The following ARHGAP35 variants were observed in gnomAD, a reference collection of about 807,000 sequenced individuals.
The protein encoded by ARHGAP35 is Rho GTPase activating protein 35, also known as rho GTPase-activating protein 35.
A neutral mutation model predicts 111.1 loss-of-function variants in ARHGAP35; 15 were observed. The ratio of observed to expected loss-of-function variants is 0.13; its 90% CI spans 0.09 to 0.21. The LOEUF is 0.21. Ranked by LOEUF, ARHGAP35 falls within the 10% of genes least tolerant of loss-of-function variation. The pLI is 1.00. For missense variants in ARHGAP35, 1,262 were observed against 1,873.0 expected (o/e 0.67, Z 6.02); for synonymous variants, 643 against 710.3 (o/e 0.91, Z 1.51).
chr19:46,970,131 G>A (rs2056537259), intron 3 of ARHGAP35, among the ~76,000 whole-genome samples: 1 of 152,168 alleles, frequency 6.6e-6, no homozygotes, highest in African/African-American at 2.4e-5. Flanking sequence ...AAAGTCATGG[G>A]GTGCAGGGTG....
rs2056737747 is a variant in ARHGAP35 at position 47,000,093 on chromosome 19, T to C, written c.4143-238T>C. Among the ~76,000 whole-genome samples, 2 of 152,140 alleles carry C rather than the reference T, an allele frequency of 1.3e-5. No homozygotes were observed. Among genetic ancestry groups the C allele is most frequent in the Admixed American group, 1.3e-4 (2 of 15,272 alleles). On this transcript the variant is annotated intron_variant, in intron 6 of 6. Coordinates refer to ENST00000672722, the MANE Select transcript of ARHGAP35 (RefSeq NM_004491.5). This position sits in a 1 kb window ranked among gnomAD's most constrained non-coding sequence, Gnocchi z 6.9. ...GGTGGTCCATCCACCCCCAGGGGTT[T>C]GCGGGGCTCCAGGCAGCCTTTCCGA...
intron 3 of ARHGAP35, among the ~76,000 whole-genome samples, chr19:46,965,139 C>A (rs1466736482): frequency 6.6e-6 from 1 of 152,074 alleles, no homozygotes; most frequent in Non-Finnish European, 1.5e-5. Context: ...ATGGTGAAAC[C>A]CCGTCTCTAC....
intron 3 of ARHGAP35, among the ~76,000 whole-genome samples, chr19:46,970,000 T>C (rs1309547163): frequency 6.6e-6 from 1 of 152,152 alleles, no homozygotes; most frequent in Non-Finnish European, 1.5e-5. Flanking sequence ...CTGTGAGGAA[T>C]TGGGGCAAAG....
Position 46,901,482 on chromosome 19 carries a change from C to G in ARHGAP35, c.-188-17006C>G, listed in dbSNP as rs1472055865. Among the ~76,000 whole-genome samples the G allele has an allele frequency of 6.6e-6, 1 of 152,068 alleles. No homozygotes were observed. The highest frequency in any genetic ancestry group is 1.5e-5 in the Non-Finnish European group (1 of 67,994). On this transcript the variant is annotated intron_variant, in intron 1 of 6. Transcript: ENST00000672722. The surrounding 1 kb of genome is among the most constrained non-coding windows in gnomAD (Gnocchi z 4.5). ...CTGGAGCAGGAGAATCACTTGAACC[C>G]GGGAGGCAGAGGTTGCAGTGAGCCG...
chr19:46,979,683 G>A (rs2056609944), intron 3 of ARHGAP35, among the ~76,000 whole-genome samples: 1 of 152,172 alleles, frequency 6.6e-6, no homozygotes, highest in Non-Finnish European at 1.5e-5. Flanking sequence ...TGAGATTTAT[G>A]ACATGGCCGT....
intron 3 of ARHGAP35, among the ~76,000 whole-genome samples, chr19:46,966,374 CT>C (rs1253706055): frequency 3.3e-5 from 5 of 152,128 alleles, no homozygotes; most frequent in Non-Finnish European, 7.3e-5. Context: ...CATATCGAGA[CT>C]CTGTCTCTAC....
chr19:46,898,801 CTGCTGCTGCTGT>C (rs2056070049), intron 1 of ARHGAP35, among the ~76,000 whole-genome samples: 2 of 152,068 alleles, frequency 1.3e-5, no homozygotes, highest in Admixed American at 1.3e-4. Flanking sequence ...GCTGCTGCTG[CTGCTGCTGCTGT>C]TGGAGCTGTA....
intron 1 of ARHGAP35, among the ~76,000 whole-genome samples, chr19:46,894,681 G>A (rs889018036): frequency 6.6e-6 from 1 of 151,898 alleles, no homozygotes; most frequent in Non-Finnish European, 1.5e-5. Context: ...CCTGACCTCA[G>A]GTGATCTGCC....
chr19:46,954,538 C>T (rs982017275), intron 3 of ARHGAP35, among the ~76,000 whole-genome samples: 8 of 152,220 alleles, frequency 5.3e-5, no homozygotes, highest in African/African-American at 1.4e-4. Flanking sequence ...GTGTAGTGCC[C>T]GGCTCCCAGG....
intron 1 of ARHGAP35, among the ~76,000 whole-genome samples, chr19:46,899,580 G>A (rs1329644316): frequency 6.6e-6 from 1 of 151,870 alleles, no homozygotes; most frequent in Non-Finnish European, 1.5e-5. Flanking sequence ...CACACATCTA[G>A]TCCCAGCTAC....
chr19:46,892,374 T>C (rs2056029649), intron 1 of ARHGAP35, among the ~76,000 whole-genome samples: 1 of 137,962 alleles, frequency 7.2e-6, no homozygotes, highest in African/African-American at 2.8e-5. Context: ...ACTTGGGAGG[T>C]TGAGGTGGGA....
intron 1 of ARHGAP35, among the ~76,000 whole-genome samples, chr19:46,911,140 T>C (rs1332956386): frequency 6.6e-6 from 1 of 152,242 alleles, no homozygotes; most frequent in African/African-American, 2.4e-5. Context: ...ACATGTTTAT[T>C]GCTTTCCCAT....
intron 1 of ARHGAP35, among the ~76,000 whole-genome samples, chr19:46,863,077 G>A (rs1160451485): frequency 8.7e-6 from 1 of 115,322 alleles, no homozygotes; most frequent in Admixed American, 1.0e-4. Flanking sequence ...CCTTCCCCTT[G>A]TATCCTGCCA....
At chr19:46,878,206 A>T (rs1193691063) in intron 1 of ARHGAP35, among the ~76,000 whole-genome samples, 3 of 152,002 alleles carry the variant, frequency 2.0e-5, no homozygotes, top group Non-Finnish European at 4.4e-5. Flanking sequence ...TATTTTTAGT[A>T]AAAACGGGAT....
In ARHGAP35 at chr19:46,983,606, C is replaced by CTTTTTT. The variant is rs11383795; in HGVS notation, c.3827-4363_3827-4358dup. On this transcript the variant is annotated intron_variant, in intron 3 of 6. Coordinates refer to ENST00000672722, the MANE Select transcript of ARHGAP35 (RefSeq NM_004491.5). ...TATTTGCCATTCTGTAATGTCCATT[C>CTTTTTT]TTTTTTTTTTTTTTTTTTTTTTTTT... 3.6e-3 allele frequency among the ~76,000 whole-genome samples: 249 copies of CTTTTTT among 69,286 alleles called. 4 individuals are homozygous for CTTTTTT. The highest frequency in any genetic ancestry group is 5.1e-3 in the African/African-American group (85 of 16,706). The allele number at this position is 69,286 out of a possible 152,430, so 45.5% of individuals were successfully genotyped here. A position where few individuals can be genotyped will look rare whatever the true frequency, so the allele number is the denominator to read the frequency against.
chr19:46,972,001 T>C (rs2056552527), intron 3 of ARHGAP35, among the ~76,000 whole-genome samples: 1 of 152,160 alleles, frequency 6.6e-6, no homozygotes, highest in African/African-American at 2.4e-5. Flanking sequence ...AAATGGCTAA[T>C]AAGTGTTGTT....
intron 1 of ARHGAP35, among the ~76,000 whole-genome samples, chr19:46,878,225 A>G (rs565908693): frequency 2.7e-5 from 4 of 149,512 alleles, no homozygotes; most frequent in South Asian, 4.3e-4. Context: ...ATTTCTCCAC[A>G]TTGACCAGGC....
intron 2 of ARHGAP35, among the ~76,000 whole-genome samples, chr19:46,923,735 A>T (rs376534014): frequency 1.3e-5 from 2 of 151,772 alleles, no homozygotes; most frequent in Middle Eastern, 3.2e-3. Flanking sequence ...CCTGGCCAAC[A>T]TGGTGAAACC....
chr19:46,871,213 CT>C (rs2055885779), intron 1 of ARHGAP35, among the ~76,000 whole-genome samples: 1 of 152,144 alleles, frequency 6.6e-6, no homozygotes, highest in African/African-American at 2.4e-5. Context: ...TTATTTTGAT[CT>C]TTGTTTGCTG....
Sources: gnomAD v4.1 joint callset for allele counts (sites outside exome capture counted in the v4.1 genomes callset) on GRCh38, gnomAD v4.1.1 for gene constraint, Gnocchi (gnomAD v3.1) non-coding constraint, MANE v1.5 for transcripts, NCBI Gene and HGNC (gene_info 2026-07-23, HGNC 2026-07-21) for gene names.